Variants in CSMD1 observed in about 807,000 individuals in gnomAD.
CSMD1 encodes the protein CUB and sushi domain-containing protein 1.
In CSMD1, 213 loss-of-function variants were observed where a neutral mutation model predicts 417.5. That is an observed-to-expected ratio of 0.51 (90% CI 0.46 to 0.57). The LOEUF is 0.57. Among genes scored for constraint, CSMD1 ranks in the 20% least tolerant of loss-of-function variants. The pLI is 0.00. For missense variants in CSMD1, 6,923 were observed against 4,529.7 expected (o/e 1.53, Z -15.17); for synonymous variants, 2,862 against 1,736.8 (o/e 1.65, Z -16.11).
intron 7 of CSMD1, among the ~76,000 whole-genome samples, chr8:3,622,437 A>G (rs1447112205): frequency 6.6e-6 from 1 of 152,202 alleles, no homozygotes; most frequent in Non-Finnish European, 1.5e-5. Context: ...GCCCACTTGC[A>G]TGTCTCCTTT....
At chr8:4,034,196 C>T (rs1166140413) in intron 3 of CSMD1, among the ~76,000 whole-genome samples, 1 of 151,988 alleles carries the variant, frequency 6.6e-6, no homozygotes, top group African/African-American at 2.4e-5. Context: ...TCATCTATTT[C>T]TAAAAGTATT....
intron 3 of CSMD1, among the ~76,000 whole-genome samples, chr8:4,177,724 G>T (rs778695947): frequency 6.7e-6 from 1 of 149,792 alleles, no homozygotes; most frequent in Admixed American, 6.7e-5. Flanking sequence ...TCAAATAGAT[G>T]CAATAAAAAA....
chr8:3,507,962 G>C (rs532839031), intron 10 of CSMD1, among the ~76,000 whole-genome samples: 2 of 152,148 alleles, frequency 1.3e-5, no homozygotes, highest in Admixed American at 6.5e-5. Context: ...TAGGTTGCCT[G>C]TTCACTCTGA....
chr8:4,570,763 T>C (rs2693800), intron 2 of CSMD1, among the ~76,000 whole-genome samples: 106,036 of 152,006 alleles, frequency 0.7, 37,094 homozygotes, highest in Non-Finnish European at 0.71. Context: ...GCTGTGAATC[T>C]GTCTGTCCTG....
chr8:3,528,190 T>A (rs954599010), intron 10 of CSMD1, among the ~76,000 whole-genome samples: 1 of 152,234 alleles, frequency 6.6e-6, no homozygotes, highest in African/African-American at 2.4e-5. Context: ...GAATCAAAGT[T>A]TGATTTTGTT....
chr8:4,706,176 A>T (rs1807929052), intron 1 of CSMD1, among the ~76,000 whole-genome samples: 1 of 151,190 alleles, frequency 6.6e-6, no homozygotes, highest in South Asian at 2.1e-4. Context: ...GTACATATAT[A>T]TTTTTTCAAT....
intron 28 of CSMD1, among the ~76,000 whole-genome samples, chr8:3,220,134 C>T (rs1798115110): frequency 7.9e-6 from 1 of 127,226 alleles, no homozygotes; most frequent in Non-Finnish European, 1.6e-5. Context: ...CCCTGAGAGA[C>T]AGAACAAGAC....
At chr8:3,588,680 T>G (rs755171929) in intron 8 of CSMD1, among the ~76,000 whole-genome samples, 4 of 151,964 alleles carry the variant, frequency 2.6e-5, no homozygotes, top group Non-Finnish European at 5.9e-5. Context: ...AAACAATCAA[T>G]AAGCCTAAAC....
At chr8:4,621,199 G>A (rs1210954478) in intron 2 of CSMD1, among the ~76,000 whole-genome samples, 1 of 151,862 alleles carries the variant, frequency 6.6e-6, no homozygotes, top group African/African-American at 2.4e-5. Context: ...GAAATCCTGG[G>A]GATGAGACCC....
At chr8:3,440,478 T>G (rs1364627523) in intron 12 of CSMD1, among the ~76,000 whole-genome samples, 1 of 152,216 alleles carries the variant, frequency 6.6e-6, no homozygotes, top group Non-Finnish European at 1.5e-5. Flanking sequence ...CAGTAGATTT[T>G]GTTGTTGTTG....
intron 26 of CSMD1, among the ~76,000 whole-genome samples, chr8:3,260,723 C>T (rs1269435261): frequency 3.3e-5 from 5 of 152,272 alleles, no homozygotes; most frequent in Admixed American, 2.6e-4. Context: ...CCTCGACCTA[C>T]CTCAAGAGTT....
rs1420536759 is a variant in CSMD1 at position 2,937,866 on chromosome 8, G to T, written c.*719C>A. 6.6e-6 allele frequency: 1 copy of T among 150,992 alleles called. No homozygotes were observed. The highest frequency in any genetic ancestry group is 2.0e-4 in the East Asian group (1 of 4,938). 9.4% of individuals were successfully genotyped at this position (150,992 alleles called of 1,614,324 possible). ...AATGCTTATATACAATGGATAGTGTGTATAAACCCTGTGTAAATAATTTAT... is the reference window on the plus strand; with the variant it reads ...AATGCTTATATACAATGGATAGTGTTTATAAACCCTGTGTAAATAATTTAT... On this transcript the variant is annotated 3_prime_UTR_variant, in exon 70 of 70. Transcript: ENST00000635120.
At chr8:3,534,518 CAA>C (rs566979953) in intron 10 of CSMD1, among the ~76,000 whole-genome samples, 37 of 86,478 alleles carry the variant, frequency 4.3e-4, no homozygotes, top group Admixed American at 4.9e-4. Flanking sequence ...TTCTCAATTA[CAA>C]AAAAAAAAAA....
At chr8:4,455,081 A>G (rs1342566974) in intron 2 of CSMD1, among the ~76,000 whole-genome samples, 2 of 152,190 alleles carry the variant, frequency 1.3e-5, no homozygotes, top group Non-Finnish European at 1.5e-5. Flanking sequence ...CGTGCTATAC[A>G]GGAATTTTTT....
intron 33 of CSMD1, among the ~76,000 whole-genome samples, chr8:3,190,525 C>T (rs1796352668): frequency 6.6e-6 from 1 of 152,112 alleles, no homozygotes; most frequent in African/African-American, 2.4e-5. Context: ...TCCTCACAGG[C>T]CTCTGAGTCT....
At chr8:3,646,969 A>G (rs1416265645) in intron 7 of CSMD1, among the ~76,000 whole-genome samples, 1 of 152,216 alleles carries the variant, frequency 6.6e-6, no homozygotes, top group South Asian at 2.1e-4. Context: ...CTCTATAACT[A>G]TTCCCAAATT....
At chr8:4,123,129 G>C (rs1327292098) in intron 3 of CSMD1, among the ~76,000 whole-genome samples, 3 of 152,194 alleles carry the variant, frequency 2.0e-5, no homozygotes, top group Non-Finnish European at 2.9e-5. Flanking sequence ...ACACAAAATA[G>C]GAAGATGAAG....
At chr8:3,891,422 A>G (rs995672348) in intron 5 of CSMD1, among the ~76,000 whole-genome samples, 2 of 152,120 alleles carry the variant, frequency 1.3e-5, no homozygotes, top group African/African-American at 2.4e-5. Context: ...GCTCACGCCT[A>G]CAAACCCAGA....
chr8:3,792,512 T>G (rs1484542381), intron 5 of CSMD1, among the ~76,000 whole-genome samples: 2 of 152,200 alleles, frequency 1.3e-5, no homozygotes, highest in East Asian at 3.9e-4. Flanking sequence ...CGCTGATTAC[T>G]GTCAATTATC....
Sources: gnomAD v4.1 joint callset for allele counts (sites outside exome capture counted in the v4.1 genomes callset) on GRCh38, gnomAD v4.1.1 for gene constraint, MANE v1.5 for transcripts, NCBI Gene and HGNC (gene_info 2026-07-23, HGNC 2026-07-21) for gene names.